NKAIN3: variants seen among roughly 807,000 people sequenced by gnomAD.
The protein encoded by NKAIN3 is sodium/potassium-transporting ATPase subunit beta-1-interacting protein 3.
Under a neutral mutation model 30.2 loss-of-function variants are expected in NKAIN3, and 25 were observed. That is an observed-to-expected ratio of 0.83 (90% CI 0.60 to 1.16). NKAIN3 has a LOEUF of 1.16. Among genes scored for constraint, NKAIN3 ranks in the 50% most tolerant of loss-of-function variants. The probability of loss-of-function intolerance (pLI) is 0.00; values close to 1 mark genes in which losing one functional copy is unlikely to be tolerated. For missense variants in NKAIN3, 225 were observed against 254.1 expected (o/e 0.89, Z 0.78); for synonymous variants, 91 against 89.6 (o/e 1.02, Z -0.09).
intron 1 of NKAIN3, among the ~76,000 whole-genome samples, chr8:62,270,154 A>G (rs1226205153): frequency 3.3e-5 from 5 of 152,082 alleles, no homozygotes; most frequent in South Asian, 2.1e-4. Context: ...ATCACAGCTC[A>G]CTGCAGCCTC....
At chr8:62,417,137 C>G (rs902223643) in intron 1 of NKAIN3, among the ~76,000 whole-genome samples, 1 of 151,926 alleles carries the variant, frequency 6.6e-6, no homozygotes, top group Non-Finnish European at 1.5e-5. Context: ...CCCTTGCCAG[C>G]CTCTGATAAC....
At chr8:62,356,332 A>T (rs1045803830) in intron 1 of NKAIN3, among the ~76,000 whole-genome samples, 7 of 152,212 alleles carry the variant, frequency 4.6e-5, no homozygotes, top group African/African-American at 1.7e-4. Flanking sequence ...GGAAAAATGT[A>T]TATACTGCTG....
chr8:62,590,760 A>G (rs547181022), intron 3 of NKAIN3, among the ~76,000 whole-genome samples: 67 of 151,962 alleles, frequency 4.4e-4, no homozygotes, highest in Middle Eastern at 3.4e-3. Context: ...TCAGCCAAGC[A>G]GCAAAAATCC....
At chr8:62,257,862 T>C (rs147899083) in intron 1 of NKAIN3, among the ~76,000 whole-genome samples, 2,197 of 152,266 alleles carry the variant, frequency 0.014, 48 homozygotes, top group African/African-American at 0.048. Flanking sequence ...ATTCTCCATT[T>C]TAATCAAATC....
rs7462497 is a variant in NKAIN3 at position 62,340,116 on chromosome 8, G to T, written c.54+90989G>T. The stretch of plus-strand genomic sequence containing the variant: ...GTTTTATGTTACATAGAAGCCTGCA[G>T]GAAAACTGTATTTTTATGTTTTTTA... On this transcript the variant is annotated intron_variant, in intron 1 of 6. Coordinates refer to ENST00000623646, the MANE Select transcript of NKAIN3 (RefSeq NM_001304533.3). Among the ~76,000 whole-genome samples, 4 of 152,032 alleles carry T rather than the reference G, an allele frequency of 2.6e-5. No individual in the cohort carries two copies. The East Asian group carries it at 7.7e-4, about 29-fold the overall frequency.
intron 4 of NKAIN3, among the ~76,000 whole-genome samples, chr8:62,812,987 C>G (rs1430857350): frequency 1.3e-5 from 2 of 151,778 alleles, no homozygotes; most frequent in Non-Finnish European, 3.0e-5. Context: ...GTTCATTTTT[C>G]TTGTTGCTGA....
At chr8:62,949,830 C>T (rs1823234019) in intron 5 of NKAIN3, among the ~76,000 whole-genome samples, 1 of 152,134 alleles carries the variant, frequency 6.6e-6, no homozygotes, top group African/African-American at 2.4e-5. Context: ...TGCCCTGATG[C>T]TTCCTTCAGT....
chr8:62,611,746 A>G (rs987302346), intron 3 of NKAIN3, among the ~76,000 whole-genome samples: 1 of 152,170 alleles, frequency 6.6e-6, no homozygotes, highest in Non-Finnish European at 1.5e-5. Context: ...GGGGCAACAA[A>G]CATAGGAGTG....
chr8:62,511,573 G>C (rs1807815049), intron 1 of NKAIN3, among the ~76,000 whole-genome samples: 2 of 152,134 alleles, frequency 1.3e-5, no homozygotes, highest in African/African-American at 4.8e-5. Context: ...ATATTCTCAG[G>C]AGAAAGACAA....
At chr8:62,388,956 G>T (rs1443074970) in intron 1 of NKAIN3, among the ~76,000 whole-genome samples, 2 of 152,160 alleles carry the variant, frequency 1.3e-5, no homozygotes, top group Non-Finnish European at 2.9e-5. Flanking sequence ...CCAAATACAG[G>T]CCCCATCTGT....
chr8:62,298,146 G>T (rs1185149943), intron 1 of NKAIN3, among the ~76,000 whole-genome samples: 1 of 134,076 alleles, frequency 7.5e-6, no homozygotes, highest in African/African-American at 2.8e-5. Flanking sequence ...ACACAGGAAG[G>T]GGAACATCAC....
At chr8:62,847,005 A>G (rs1053896726) in intron 4 of NKAIN3, among the ~76,000 whole-genome samples, 4 of 152,108 alleles carry the variant, frequency 2.6e-5, no homozygotes, top group South Asian at 2.1e-4. Flanking sequence ...CCGTGATTCA[A>G]TTATCTCCAT....
At chr8:62,496,963 G>A (rs1014884053) in intron 1 of NKAIN3, among the ~76,000 whole-genome samples, 5 of 152,036 alleles carry the variant, frequency 3.3e-5, no homozygotes, top group Non-Finnish European at 7.4e-5. Context: ...TGCTTAATGA[G>A]TGTGAGCTTT....
intron 1 of NKAIN3, among the ~76,000 whole-genome samples, chr8:62,389,012 C>T (rs1201414959): frequency 6.6e-6 from 1 of 152,092 alleles, no homozygotes; most frequent in African/African-American, 2.4e-5. Flanking sequence ...AGGGAGCAGC[C>T]CGTATTGAGC....
chr8:62,345,917 C>T (rs1030210455), intron 1 of NKAIN3, among the ~76,000 whole-genome samples: 8 of 151,934 alleles, frequency 5.3e-5, no homozygotes, highest in African/African-American at 9.7e-5. Context: ...CTGTCATTTG[C>T]GGCAACATAG....
chr8:62,716,743 G>GA (rs1182153747), intron 3 of NKAIN3, among the ~76,000 whole-genome samples: 4,733 of 141,148 alleles, frequency 0.034, 242 homozygotes, highest in African/African-American at 0.11. Flanking sequence ...ATTCTGAGAA[G>GA]AAAAAAAAAA....
chr8:62,857,344 A>G (rs2035142732), intron 4 of NKAIN3, among the ~76,000 whole-genome samples: 2 of 152,110 alleles, frequency 1.3e-5, no homozygotes, highest in African/African-American at 2.4e-5. Context: ...CTTTTCATGG[A>G]GTATCTTACT....
chr8:62,448,477 C>CA (rs71255338), intron 1 of NKAIN3, among the ~76,000 whole-genome samples: 2,710 of 139,794 alleles, frequency 0.019, 81 homozygotes, highest in African/African-American at 0.068. Context: ...CTAGAAAATC[C>CA]AAAAAAAAAA....
chr8:62,916,898 C>T (rs1026571880), intron 4 of NKAIN3, among the ~76,000 whole-genome samples: 2 of 152,088 alleles, frequency 1.3e-5, no homozygotes, highest in African/African-American at 4.8e-5. Context: ...CACGCTCATG[C>T]TTCTTCTTGT....
Sources: gnomAD v4.1 joint callset for allele counts (sites outside exome capture counted in the v4.1 genomes callset) on GRCh38, gnomAD v4.1.1 for gene constraint, MANE v1.5 for transcripts, NCBI Gene and HGNC (gene_info 2026-07-23, HGNC 2026-07-21) for gene names.